Variants in PI4KA observed in about 807,000 individuals in gnomAD.
PI4KA encodes phosphatidylinositol 4-kinase alpha, also known as PI4-kinase alpha.
A neutral mutation model predicts 271.4 loss-of-function variants in PI4KA; 122 were observed. The observed-to-expected ratio is 0.45, with a 90% confidence interval of 0.39 to 0.52. PI4KA has a LOEUF of 0.52. Ranked by LOEUF, PI4KA falls within the 20% of genes least tolerant of loss-of-function variation. The probability of loss-of-function intolerance (pLI) is 0.00; values close to 1 mark genes in which losing one functional copy is unlikely to be tolerated. For synonymous variants in PI4KA, 1,041 were observed against 1,078.8 expected (o/e 0.96, Z 0.69); for missense variants, 1,969 against 2,769.1 (o/e 0.71, Z 6.48).
rs751223404 is a variant in PI4KA at position 20,729,947 on chromosome 22, G to A, written c.4353C>T (p.Gly1451=). ...TVGSRQQATQ[G]WINTYPLSSG... Reference sequence around the variant, plus strand: ...TGGACAGGGGGTATGTGTTGATCCAGCCTTGGGTGGCTTGTTGCCGAGAGC... The same window carrying A: ...TGGACAGGGGGTATGTGTTGATCCAACCTTGGGTGGCTTGTTGCCGAGAGC... Residue 1451 remains glycine, a synonymous_variant, in exon 37 of 55, where the codon GGC becomes GGT. Transcript: ENST00000255882. 6 of 1,614,056 alleles carry A rather than the reference G, an allele frequency of 3.7e-6. No homozygotes were observed. The highest frequency in any genetic ancestry group is 8.5e-7 in the Non-Finnish European group (1 of 1,180,024).
chr22:20,794,506 C>T (rs1934862674), intron 18 of PI4KA, among the ~76,000 whole-genome samples: 1 of 152,160 alleles, frequency 6.6e-6, no homozygotes, highest in African/African-American at 2.4e-5. Flanking sequence ...TAGTCAGCCA[C>T]ATGACTGTCG....
rs975137891 is a variant in PI4KA at position 20,858,765 on chromosome 22, C to A, written c.-40G>T. 5.6e-5 allele frequency: 77 copies of A among 1,371,524 alleles called. No individual in the cohort carries two copies. The highest frequency in any genetic ancestry group is 6.9e-5 in the Non-Finnish European group (73 of 1,059,030). 85.0% of individuals were successfully genotyped at this position (1,371,524 alleles called of 1,614,324 possible). A position where few individuals can be genotyped will look rare whatever the true frequency, so the allele number is the denominator to read the frequency against. ...CGGCGCTGCCCGCCGGCTCCCCGCT[C>A]CTGGCCCGCGAGCGCCCGACCTCAG... On this transcript the variant is annotated 5_prime_UTR_variant, in exon 1 of 55. Coordinates refer to ENST00000255882, the MANE Select transcript of PI4KA (RefSeq NM_058004.4).
chr22:20,836,710 C>A (rs549871302), intron 2 of PI4KA, among the ~76,000 whole-genome samples: 2 of 152,256 alleles, frequency 1.3e-5, no homozygotes, highest in East Asian at 3.9e-4. Flanking sequence ...AGGGGGCTGG[C>A]AAAGCATGCT....
At chr22:20,796,002 A>G in intron 18 of PI4KA, 144 bp downstream of exon 18, 1 of 742,682 alleles carries the variant, frequency 1.3e-6, no homozygotes, top group Non-Finnish European at 2.2e-6. Context: ...AAAGAACCCC[A>G]CCCCTTCTTA....
At chr22:20,839,404 G>A (rs542882299) in intron 1 of PI4KA, among the ~76,000 whole-genome samples, 1 of 152,336 alleles carries the variant, frequency 6.6e-6, no homozygotes, top group East Asian at 1.9e-4. Context: ...TGTATACTCA[G>A]AGGGGGTAAG....
chr22:20,781,291 TGA>T (rs1375789056), intron 19 of PI4KA, among the ~76,000 whole-genome samples: 2 of 152,168 alleles, frequency 1.3e-5, no homozygotes, highest in Non-Finnish European at 2.9e-5. Flanking sequence ...CTCTCTAAGC[TGA>T]GAGTGTGGAA....
chr22:20,792,287 T>C (rs921758267), intron 19 of PI4KA, among the ~76,000 whole-genome samples: 1 of 152,072 alleles, frequency 6.6e-6, no homozygotes, highest in Non-Finnish European at 1.5e-5. Context: ...AACACTCAGA[T>C]GGTGTGAGCA....
intron 14 of PI4KA, among the ~76,000 whole-genome samples, chr22:20,801,251 A>G (rs1163153356): frequency 6.6e-6 from 1 of 151,966 alleles, no homozygotes; most frequent in Non-Finnish European, 1.5e-5. Context: ...CTCTTTATAG[A>G]TCAAGTGTAG....
intron 45 of PI4KA, among the ~76,000 whole-genome samples, chr22:20,716,172 TCCCGAGTAGCTGGGACTACAGGCG>T (rs1301690644): frequency 1.3e-5 from 2 of 152,178 alleles, no homozygotes; most frequent in African/African-American, 4.8e-5. Context: ...TGCCTCAGCC[TCCCGAGTAGCTGGGACTACAGGCG>T]CCCGCCACCA....
At chr22:20,824,988 C>T (rs929535973) in intron 3 of PI4KA, among the ~76,000 whole-genome samples, 4 of 134,846 alleles carry the variant, frequency 3.0e-5, no homozygotes, top group African/African-American at 1.1e-4. Context: ...GAGAATAGCT[C>T]GAAGCCAGGA....
chr22:20,849,778 T>C (rs1926729524), intron 1 of PI4KA, among the ~76,000 whole-genome samples: 1 of 152,054 alleles, frequency 6.6e-6, no homozygotes, highest in African/African-American at 2.4e-5. Context: ...GGTGTGAACC[T>C]GGGAGGCAGA....
At chr22:20,713,517 C>T (rs550615838) in intron 47 of PI4KA, 127 bp from the exon 48 acceptor site, 67 of 742,432 alleles carry the variant, frequency 9.0e-5, no homozygotes, top group African/African-American at 8.2e-4. Context: ...TTCTTCAAAA[C>T]CCCAAGGAGG....
At chr22:20,742,201 AC>A in intron 32 of PI4KA, 26 bp downstream of exon 32, 1 of 1,610,560 alleles carries the variant, frequency 6.2e-7, no homozygotes. Flanking sequence ...TCCCATCCTC[AC>A]TGCCAACCCG....
rs1412025812 is a variant in PI4KA at position 20,804,469 on chromosome 22, C to A, written c.1361-69G>T. The stretch of plus-strand genomic sequence containing the variant: ...CAGTCTTTCTAACACACTTATCCAC[C>A]AAGTAAGCACAGAATTTAATAAAAC... On this transcript the variant is annotated intron_variant, in intron 11 of 54. Transcript: ENST00000255882. 2.9e-6 allele frequency: 3 copies of A among 1,028,470 alleles called. No individual in the cohort carries two copies. The South Asian group carries it at 3.8e-5, about 13-fold the overall frequency. The allele number at this position is 1,028,470 out of a possible 1,614,324, so 63.7% of individuals were successfully genotyped here. A position where few individuals can be genotyped will look rare whatever the true frequency, so the allele number is the denominator to read the frequency against.
intron 32 of PI4KA, among the ~76,000 whole-genome samples, chr22:20,739,238 C>A (rs1164514055): frequency 6.6e-6 from 1 of 150,434 alleles, no homozygotes; most frequent in Admixed American, 6.6e-5. Context: ...CTCAGCTACT[C>A]GGGAGGCTGA....
At chr22:20,819,983 T>A in intron 5 of PI4KA, 83 bp from the exon 6 acceptor site, 1 of 1,236,094 alleles carries the variant, frequency 8.1e-7, no homozygotes, top group Non-Finnish European at 1.2e-6. Flanking sequence ...TAACATTGAC[T>A]AAGATTTCAC....
At chr22:20,808,740 A>G (rs165584) in intron 9 of PI4KA, among the ~76,000 whole-genome samples, 122,418 of 151,288 alleles carry the variant, frequency 0.81, 50,112 homozygotes, top group African/African-American at 0.92. Flanking sequence ...ATGCAGTGGT[A>G]TGATCACAGC....
intron 8 of PI4KA, among the ~76,000 whole-genome samples, chr22:20,812,611 G>A (rs1453808409): frequency 6.6e-6 from 1 of 152,138 alleles, no homozygotes; most frequent in African/African-American, 2.4e-5. Context: ...CTGGAGTGCA[G>A]TGCTGCGATG....
In PI4KA at chr22:20,855,042, C is replaced by T. The variant is rs916035112; in HGVS notation, c.156+3528G>A. On this transcript the variant is annotated intron_variant, in intron 1 of 54. Transcript: ENST00000255882. ...TGGCAGGTGCCTGTAGTCCCAGCTA[C>T]TCAGGAGACTGAGGCAGGAGAATCG... Among the ~76,000 whole-genome samples, 3 of 151,724 alleles carry T rather than the reference C, an allele frequency of 2.0e-5. No homozygotes were observed. The South Asian group carries it at 6.2e-4, about 31-fold the overall frequency.
Sources: allele counts gnomAD v4.1 joint callset (sites outside exome capture counted in the v4.1 genomes callset), GRCh38; gene constraint gnomAD v4.1.1; transcripts MANE v1.5; gene names NCBI Gene and HGNC (gene_info 2026-07-23, HGNC 2026-07-21).